The following KATNBL1 variants were observed in gnomAD, a reference collection of about 807,000 sequenced individuals.
KATNBL1 encodes KATNB1-like protein 1.
KATNBL1 carries 28 observed loss-of-function variants against 44.7 expected under a neutral mutation model. That is an observed-to-expected ratio of 0.63 (90% confidence interval 0.46 to 0.86). The LOEUF is 0.86. Ranked by LOEUF, KATNBL1 falls within the 40% of genes least tolerant of loss-of-function variation. The pLI is 0.00. For synonymous variants in KATNBL1, 78 were observed against 114.9 expected (o/e 0.68, Z 2.06); for missense variants, 272 against 350.7 (o/e 0.78, Z 1.79).
chr15:34,184,576 C>CTTTTTTTTTTTTTTTTTTTT (rs71119942), intron 1 of KATNBL1, among the ~76,000 whole-genome samples: 1 of 95,258 alleles, frequency 1.0e-5, no homozygotes, highest in African/African-American at 3.9e-5. Flanking sequence ...CCTAATGTTT[C>CTTTTTTTTTTTTTTTTTTTT]TTTTTTTTTT....
chr15:34,209,893 CCTGCCAGGGCAGGGCAG>C (rs1434707920), intron 1 of KATNBL1, 41 bp downstream of exon 1: 1 of 151,510 alleles, frequency 6.6e-6, no homozygotes, highest in East Asian at 1.9e-4. Flanking sequence ...CTGGAGTAGC[CCTGCCAGGGCAGGGCAG>C]CTGCGGGCGC....
chr15:34,151,476 GAA>G (rs1364445335), intron 4 of KATNBL1, among the ~76,000 whole-genome samples: 1 of 97,982 alleles, frequency 1.0e-5, no homozygotes, highest in Non-Finnish European at 1.8e-5. Flanking sequence ...TTTTGAGACA[GAA>G]TCTCACTCTG....
At chr15:34,178,003 T>C (rs1035390115) in intron 1 of KATNBL1, 6 of 152,306 alleles carry the variant, frequency 3.9e-5, no homozygotes, top group African/African-American at 1.4e-4. Flanking sequence ...ATAACCACTA[T>C]AATACAATAC....
intron 2 of KATNBL1, 72 bp from the exon 3 acceptor site, chr15:34,154,756 G>A: frequency 3.0e-6 from 3 of 1,011,614 alleles, no homozygotes; most frequent in South Asian, 1.3e-5. Flanking sequence ...CAGCACTCCG[G>A]CAAAAAGCTT....
At chr15:34,191,030 T>C (rs576565735) in intron 1 of KATNBL1, among the ~76,000 whole-genome samples, 1 of 152,140 alleles carries the variant, frequency 6.6e-6, no homozygotes, top group African/African-American at 2.4e-5. Flanking sequence ...AATGCAATGT[T>C]TGGATGTTGC....
intron 1 of KATNBL1, among the ~76,000 whole-genome samples, chr15:34,202,988 CA>C (rs35434451): frequency 4.0e-5 from 6 of 151,384 alleles, no homozygotes; most frequent in African/African-American, 1.5e-4. Flanking sequence ...GACTCTGTCT[CA>C]AAAAAAATAA....
At chr15:34,193,737 A>C (rs531169650) in intron 1 of KATNBL1, among the ~76,000 whole-genome samples, 1 of 150,986 alleles carries the variant, frequency 6.6e-6, no homozygotes, top group Non-Finnish European at 1.5e-5. Flanking sequence ...CAGTAGTCCC[A>C]GCTACTCAGG....
chr15:34,200,423 T>G (rs530687423), intron 1 of KATNBL1, among the ~76,000 whole-genome samples: 6 of 14,142 alleles, frequency 4.2e-4, no homozygotes, highest in African/African-American at 7.3e-4. Flanking sequence ...CAGCTAATTG[T>G]TTTTTTTTTT....
At chr15:34,170,028 CA>C (rs1431967240) in intron 1 of KATNBL1, among the ~76,000 whole-genome samples, 2 of 152,170 alleles carry the variant, frequency 1.3e-5, no homozygotes, top group Non-Finnish European at 1.5e-5. Flanking sequence ...AAAACTGGCA[CA>C]AGACACGGAT....
At chr15:34,164,392 G>C (rs1225045397) in intron 1 of KATNBL1, among the ~76,000 whole-genome samples, 2 of 151,870 alleles carry the variant, frequency 1.3e-5, no homozygotes, top group Non-Finnish European at 2.9e-5. Flanking sequence ...TAAATCACTG[G>C]GTCAAAACAA....
rs5811822 is a variant in KATNBL1 at position 34,163,896 on chromosome 15, C to CT, written c.-14-207dup. On this transcript the variant is annotated intron_variant, in intron 1 of 9. Transcript: ENST00000256544. ...AATTAAGGATCTTTCTGTCCTCATT[C>CT]TTTTTTTTTTTTTTGAGATGGAGTT... Among the ~76,000 whole-genome samples, 224 of 145,670 alleles carry CT rather than the reference C, an allele frequency of 1.5e-3. 1 individual carries two copies. Among genetic ancestry groups the CT allele is most frequent in the Middle Eastern group, 6.9e-3 (2 of 290 alleles).
chr15:34,142,604 T>C (rs1358570011), intron 9 of KATNBL1: 1 of 416,410 alleles, frequency 2.4e-6, no homozygotes, highest in Non-Finnish European at 4.3e-6. Context: ...TTGGTTCCTA[T>C]GCTCAAACAA....
chr15:34,187,151 C>T lies in KATNBL1; in HGVS notation c.-15+22800G>A, dbSNP rs543278667. On this transcript the variant is annotated intron_variant, in intron 1 of 9. Transcript: ENST00000256544. ...ACCACCAGCTGCAGAGAGGAGTACCCGCTCCGCTGAATGCTGCAGACGACC... is the reference window on the plus strand; with the variant it reads ...ACCACCAGCTGCAGAGAGGAGTACCTGCTCCGCTGAATGCTGCAGACGACC... 3.3e-5 allele frequency among the ~76,000 whole-genome samples: 5 copies of T among 152,268 alleles called. No homozygotes were observed. The East Asian group carries it at 9.6e-4, about 29-fold the overall frequency.
At chr15:34,198,477 G>GC (rs1890083701) in intron 1 of KATNBL1, 1 of 152,176 alleles carries the variant, frequency 6.6e-6, no homozygotes, top group South Asian at 2.1e-4. Flanking sequence ...GTGGTTTAAA[G>GC]CAAAGATATT....
intron 1 of KATNBL1, among the ~76,000 whole-genome samples, chr15:34,193,236 C>CAA (rs869058713): frequency 2.5e-5 from 2 of 79,178 alleles, no homozygotes; most frequent in African/African-American, 4.3e-5. Flanking sequence ...AAAAAAAAAA[C>CAA]AAAAAAAAAA....
intron 1 of KATNBL1, among the ~76,000 whole-genome samples, chr15:34,168,731 C>T (rs909643152): frequency 1.4e-4 from 22 of 152,196 alleles, no homozygotes; most frequent in Admixed American, 5.2e-4. Flanking sequence ...GAAATCACAG[C>T]AAACTGCCTC....
chr15:34,208,223 T>G (rs1702086033), intron 1 of KATNBL1, among the ~76,000 whole-genome samples: 1 of 152,208 alleles, frequency 6.6e-6, no homozygotes. Flanking sequence ...GTATCCAATG[T>G]GTAGTCTTCT....
chr15:34,207,037 CTTTT>C (rs10713100), intron 1 of KATNBL1, among the ~76,000 whole-genome samples: 3 of 140,132 alleles, frequency 2.1e-5, no homozygotes, highest in Admixed American at 7.2e-5. Flanking sequence ...CTAGACAATA[CTTTT>C]TTTTTTTTTT....
At chr15:34,151,435 ACTTTTTTTTTTTTT>A (rs1888471494) in intron 4 of KATNBL1, among the ~76,000 whole-genome samples, 1 of 63,848 alleles carries the variant, frequency 1.6e-5, no homozygotes, top group Non-Finnish European at 3.2e-5. Flanking sequence ...TCCTTTGCCT[ACTTTTTTTTTTTTT>A]TTTTTTTTTT....
Sources: gnomAD v4.1 joint callset for allele counts (sites outside exome capture counted in the v4.1 genomes callset) on GRCh38, gnomAD v4.1.1 for gene constraint, MANE v1.5 for transcripts, NCBI Gene and HGNC (gene_info 2026-07-23, HGNC 2026-07-21) for gene names.